MRPL48: variants seen among roughly 807,000 people sequenced by gnomAD.
The protein encoded by MRPL48 is large ribosomal subunit protein mL48.
MRPL48 carries 16 observed loss-of-function variants against 32.9 expected under a neutral mutation model. The observed-to-expected ratio is 0.49, with a 90% confidence interval of 0.33 to 0.74. MRPL48 has a LOEUF of 0.74. Ranked by LOEUF, MRPL48 falls within the 30% of genes least tolerant of loss-of-function variation. The pLI is 0.02. For synonymous variants in MRPL48, 94 were observed against 89.2 expected, an observed-to-expected ratio of 1.05 and a Z score of -0.31; for missense variants, 206 against 245.3, an observed-to-expected ratio of 0.84 and a Z score of 1.07.
chr11:73,858,126 T>C (rs1948518211), intron 5 of MRPL48, among the ~76,000 whole-genome samples: 1 of 152,234 alleles, frequency 6.6e-6, no homozygotes, highest in Non-Finnish European at 1.5e-5. Flanking sequence ...ATTATTTCAC[T>C]TGAACATCCA....
At chr11:73,827,592 A>G (rs1348484046) in intron 4 of MRPL48, among the ~76,000 whole-genome samples, 2 of 152,134 alleles carry the variant, frequency 1.3e-5, no homozygotes, top group African/African-American at 4.8e-5. Context: ...ACTTCCTGCA[A>G]ACAGTACAGT....
At chr11:73,821,762 C>G (rs936133896) in intron 3 of MRPL48, among the ~76,000 whole-genome samples, 1 of 152,070 alleles carries the variant, frequency 6.6e-6, no homozygotes, top group South Asian at 2.1e-4. Context: ...TGTTGTAGCC[C>G]CAGCTTCTAG....
At chr11:73,847,410 C>T (rs60918915) in intron 5 of MRPL48, among the ~76,000 whole-genome samples, 8,577 of 150,236 alleles carry the variant, frequency 0.057, 265 homozygotes, top group Middle Eastern at 0.11. Context: ...CTTATTGGGT[C>T]TTCAAAATTG....
At chr11:73,858,917 C>T (rs1364866924) in intron 5 of MRPL48, among the ~76,000 whole-genome samples, 3 of 152,196 alleles carry the variant, frequency 2.0e-5, no homozygotes, top group Admixed American at 6.5e-5. Context: ...CTCCATGTTC[C>T]GTGTTATTTT....
chr11:73,849,591 TTTG>T (rs1314189539), intron 5 of MRPL48, among the ~76,000 whole-genome samples: 5 of 152,236 alleles, frequency 3.3e-5, no homozygotes, highest in Admixed American at 6.5e-5. Context: ...AGTTTGGTTT[TTTG>T]TTGTTGTTGC....
chr11:73,805,205 C>A, intron 2 of MRPL48, 126 bp downstream of exon 2: 2 of 714,126 alleles, frequency 2.8e-6, no homozygotes, highest in African/African-American at 1.8e-5. Flanking sequence ...CCCCTGCCAC[C>A]TTGCTCCTTC....
intron 5 of MRPL48, among the ~76,000 whole-genome samples, chr11:73,847,282 C>T (rs1948309380): frequency 6.6e-6 from 1 of 152,136 alleles, no homozygotes; most frequent in Non-Finnish European, 1.5e-5. Context: ...TTAATTTGCA[C>T]TTCACTAATA....
rs192709566 is a variant in MRPL48, at chr11:73,861,897, C to G, written c.475-1275C>G. On this transcript the variant is annotated intron_variant, in intron 6 of 7. Transcript: ENST00000310614. ...GGTTCCTTGCAGCCCCCTGCCTGCC[C>G]TTTTACCATACATCTGATTCACCTT... 7.9e-4 allele frequency among the ~76,000 whole-genome samples: 120 copies of G among 152,314 alleles called. 1 individual carries two copies. The highest frequency in any genetic ancestry group is 2.7e-3 in the African/African-American group (112 of 41,570).
chr11:73,798,770 T>A (rs1356285732), intron 1 of MRPL48, among the ~76,000 whole-genome samples: 1 of 151,940 alleles, frequency 6.6e-6, no homozygotes, highest in Non-Finnish European at 1.5e-5. Flanking sequence ...GGTGGGCGGA[T>A]CACGAGGTCA....
At chr11:73,848,488 A>ATT (rs56364963) in intron 5 of MRPL48, among the ~76,000 whole-genome samples, 131,443 of 145,054 alleles carry the variant, frequency 0.91, 59,810 homozygotes, top group East Asian at 0.99. Context: ...GTCCGATGGG[A>ATT]TTTTTTTTTT....
chr11:73,833,768 A>C (rs1048047014), intron 4 of MRPL48, among the ~76,000 whole-genome samples: 32 of 152,130 alleles, frequency 2.1e-4, no homozygotes, highest in Non-Finnish European at 3.8e-4. Context: ...TCAACCTCTC[A>C]GGCTCAAGTG....
At chr11:73,824,561 G>C (rs1161699634) in intron 3 of MRPL48, among the ~76,000 whole-genome samples, 1 of 151,746 alleles carries the variant, frequency 6.6e-6, no homozygotes, top group African/African-American at 2.4e-5. Flanking sequence ...CTCCAACCTG[G>C]GTTACAGAAT....
intron 5 of MRPL48, 151 bp from the exon 6 acceptor site, chr11:73,859,756 A>G: frequency 1.7e-6 from 1 of 597,266 alleles, no homozygotes; most frequent in Non-Finnish European, 3.0e-6. Context: ...GGTAAGAGGG[A>G]TCTAGTTACT....
At chr11:73,822,866 G>A (rs1418475746) in intron 3 of MRPL48, 3 of 343,874 alleles carry the variant, frequency 8.7e-6, no homozygotes, top group African/African-American at 6.5e-5. Context: ...CCTGAGCTCT[G>A]TCTCCTCTCA....
At chr11:73,863,535 G>A (rs1318050124) in intron 7 of MRPL48, among the ~76,000 whole-genome samples, 2 of 152,178 alleles carry the variant, frequency 1.3e-5, no homozygotes, top group African/African-American at 4.8e-5. Flanking sequence ...ATTCTCTCCT[G>A]TCAGGCAGTT....
Position 73,864,447 on chromosome 11 carries a change from A to G in MRPL48, c.*77A>G. ...AGAGCTTACTGGGTAGTTAGAGTTC[A>G]TCAGGAGACCCAACCCTTAGATTTC... On this transcript the variant is annotated 3_prime_UTR_variant, in exon 8 of 8. Transcript: ENST00000310614. 1.4e-6 allele frequency: 2 copies of G among 1,421,266 alleles called. No individual in the cohort carries two copies. The highest frequency in any genetic ancestry group is 2.0e-6 in the Non-Finnish European group (2 of 1,017,848). The allele number at this position is 1,421,266 out of a possible 1,614,324, so 88.0% of individuals were successfully genotyped here.
intron 1 of MRPL48, among the ~76,000 whole-genome samples, chr11:73,797,490 G>A (rs1475469029): frequency 2.6e-5 from 4 of 152,208 alleles, no homozygotes; most frequent in African/African-American, 7.2e-5. Flanking sequence ...CCTCCTTGGA[G>A]CCCTGTGGTT....
chr11:73,823,888 G>T (rs940926041), intron 3 of MRPL48, among the ~76,000 whole-genome samples: 1 of 150,944 alleles, frequency 6.6e-6, no homozygotes, highest in Non-Finnish European at 1.5e-5. Flanking sequence ...CGGAGTCTGG[G>T]TCTGACACCC....
chr11:73,793,815 A>G lies in MRPL48; in HGVS notation c.21+5823A>G, dbSNP rs367647948. On this transcript the variant is annotated intron_variant, in intron 1 of 7. Coordinates refer to ENST00000310614, the MANE Select transcript of MRPL48 (RefSeq NM_016055.6). Reference sequence around the variant, plus strand: ...AGTGGGTGGATTGCTTGAGCTCAGGAGTTTGAGACCAGCCTGGGCAACATG... The same window carrying G: ...AGTGGGTGGATTGCTTGAGCTCAGGGGTTTGAGACCAGCCTGGGCAACATG... Among the ~76,000 whole-genome samples, 14 of 147,850 alleles carry G rather than the reference A, an allele frequency of 9.5e-5. No individual in the cohort carries two copies. In the South Asian group the frequency reaches 3.0e-3, roughly 32 times the overall value.
Sources: gnomAD v4.1 joint callset for allele counts (sites outside exome capture counted in the v4.1 genomes callset) on GRCh38, gnomAD v4.1.1 for gene constraint, MANE v1.5 for transcripts, NCBI Gene and HGNC (gene_info 2026-07-23, HGNC 2026-07-21) for gene names.